AGRN: variants seen among roughly 807,000 people sequenced by gnomAD.
The protein encoded by AGRN is agrin proteoglycan.
AGRN carries 106 observed loss-of-function variants against 211.0 expected under a neutral mutation model. The ratio of observed to expected loss-of-function variants is 0.50; its 90% CI spans 0.43 to 0.59. The LOEUF (loss-of-function observed/expected upper bound fraction) is 0.59. AGRN is among the 20% of genes least tolerant of loss of function. AGRN has a pLI of 0.00. For missense variants in AGRN, 3,040 were observed against 2,982.6 expected (o/e 1.02, Z -0.45); for synonymous variants, 1,525 against 1,332.5 (o/e 1.14, Z -3.15).
At chr1:1,054,704 G>A in intron 35 of AGRN, 120 bp from the exon 36 acceptor site, 1 of 1,490,786 alleles carries the variant, frequency 6.7e-7, no homozygotes, top group East Asian at 2.5e-5. Context: ...GCAGTTCCCA[G>A]TGCTGTGGGG....
rs1645254193 is a variant in AGRN, at chr1:1,050,602, A to G, written c.5141+11A>G. ...GGCAGCGGTCATCAGGTGGGCCGGC[A>G]AGGGTGGCTCTGGGAGGCCTGGGGC... On this transcript the variant is annotated intron_variant, in intron 29 of 35. Transcript: ENST00000379370. 1 of 1,607,052 alleles carries G rather than the reference A, an allele frequency of 6.2e-7. No individual in the cohort carries two copies. Among genetic ancestry groups the G allele is most frequent in the African/African-American group, 1.3e-5 (1 of 74,748 alleles).
At chr1:1,054,735 T>G in intron 35 of AGRN, 89 bp from the exon 36 acceptor site, 3 of 1,513,150 alleles carry the variant, frequency 2.0e-6, no homozygotes, top group Non-Finnish European at 2.7e-6. Context: ...GGTGCCCAGG[T>G]GTGGGCCCCC....
At chr1:1,053,281 G>A (rs1467048404) in intron 33 of AGRN, 13 of 431,084 alleles carry the variant, frequency 3.0e-5, no homozygotes, top group South Asian at 1.3e-4. Context: ...CACGTGTCTC[G>A]TGTCCGCACA....
At chr1:1,052,039 C>G (rs771801084) in intron 33 of AGRN, 38 of 1,506,082 alleles carry the variant, frequency 2.5e-5, no homozygotes, top group South Asian at 2.3e-4. Context: ...CGGCGCCCCC[C>G]GCTCCCTCTC....
intron 3 of AGRN, 29 bp from the exon 4 acceptor site, chr1:1,040,636 C>T: frequency 6.5e-7 from 1 of 1,546,286 alleles, no homozygotes; most frequent in Non-Finnish European, 8.7e-7. Context: ...CGTCTCGGCA[C>T]CCTGAGCTTT....
rs762908637 is a variant in AGRN, at chr1:1,041,945, C to T, written c.1178-11C>T. 17 of 1,611,280 alleles carry T rather than the reference C, an allele frequency of 1.1e-5. No homozygotes were observed. The highest frequency in any genetic ancestry group is 1.3e-5 in the African/African-American group (1 of 74,864). On this transcript the variant is annotated splice_polypyrimidine_tract_variant and intron_variant, in intron 6 of 35. Transcript: ENST00000379370. The stretch of plus-strand genomic sequence containing the variant: ...CAGCCTCTCCGTGACTCCCTCACCC[C>T]TGCGTCCTAGACCAGTGCCCGGAGC...
rs1645006569 is a variant in AGRN at position 1,043,580 on chromosome 1, A to C, written c.1646A>C (p.Glu549Ala). 6.2e-7 allele frequency: 1 copy of C among 1,605,088 alleles called. No homozygotes were observed. The highest frequency in any genetic ancestry group is 1.1e-5 in the South Asian group (1 of 91,070). The change falls in exon 9 of 36, where the codon GAG becomes GCG. Residue 549 changes from glutamate to alanine, a missense_variant. Coordinates refer to ENST00000379370, the MANE Select transcript of AGRN (RefSeq NM_198576.4). The stretch of plus-strand genomic sequence containing the variant: ...CGCTTTGGAGCCCTGTGCGAGGCCG[A>C]GACCGGGCGCTGCGTGTGCCCCTCT... Reference protein sequence around the residue: ...QCRFGALCEAETGRCVCPSEC... With the variant: ...QCRFGALCEAATGRCVCPSEC...
At chr1:1,036,004 C>A (rs964666088) in intron 3 of AGRN, among the ~76,000 whole-genome samples, 1 of 152,076 alleles carries the variant, frequency 6.6e-6, no homozygotes, top group Non-Finnish European at 1.5e-5. Context: ...GGAACACAGA[C>A]GGGGGGACCG....
rs193197250 is a variant in AGRN, at chr1:1,026,393, C to T, written c.463+3931C>T. ...CATTAGCCCCACAGCCTGCAGAAGG[C>T]GGGATGGGGCTGCTCCAGGGAAGGG... On this transcript the variant is annotated intron_variant, in intron 2 of 35. Transcript: ENST00000379370. 1.1e-3 allele frequency among the ~76,000 whole-genome samples: 161 copies of T among 152,254 alleles called. 1 individual carries two copies. The highest frequency in any genetic ancestry group is 3.7e-3 in the African/African-American group (155 of 41,546).
At chr1:1,035,785 G>C (rs918761633) in intron 3 of AGRN, among the ~76,000 whole-genome samples, 1 of 152,104 alleles carries the variant, frequency 6.6e-6, no homozygotes, top group African/African-American at 2.4e-5. Context: ...ACAGCTGTCT[G>C]GGGAGGGGCC....
chr1:1,027,512 C>G (rs1276503101), intron 2 of AGRN, among the ~76,000 whole-genome samples: 1 of 152,232 alleles, frequency 6.6e-6, no homozygotes, highest in Non-Finnish European at 1.5e-5. Context: ...CTCCTGCCCC[C>G]TGCTCACTGC....
Position 1,041,963 on chromosome 1 carries a change from C to T in AGRN, c.1185C>T (p.Cys395=), listed in dbSNP as rs1644954742. Residue 395 remains cysteine (C), a synonymous_variant, in exon 7 of 36, where the codon TGC becomes TGT. Coordinates refer to ENST00000379370, the MANE Select transcript of AGRN (RefSeq NM_198576.4). ...CTCACCCCTGCGTCCTAGACCAGTG[C>T]CCGGAGCCCTGCCGGTTCAATGCCG... ...RSGQCQGRDQ[C]PEPCRFNAVC... is the part of the protein sequence containing the mutation. 1.9e-6 allele frequency: 3 copies of T among 1,611,682 alleles called. No homozygotes were observed. The highest frequency in any genetic ancestry group is 1.7e-5 in the Admixed American group (1 of 59,982).
intron 22 of AGRN, 25 bp downstream of exon 22, chr1:1,047,920 G>T (rs772022055): frequency 3.1e-6 from 5 of 1,603,522 alleles, no homozygotes; most frequent in Non-Finnish European, 4.3e-6. Context: ...ACGAGCCACA[G>T]CTTACCTGCC....
chr1:1,023,727 C>T (rs1557683182), intron 2 of AGRN, among the ~76,000 whole-genome samples: 2 of 152,180 alleles, frequency 1.3e-5, no homozygotes, highest in East Asian at 1.9e-4. Context: ...GGTCAGAGGG[C>T]ACATGGCAGG....
chr1:1,049,943 C>A lies in AGRN; in HGVS notation c.4785C>A (p.Asn1595Lys). The A allele has an allele frequency of 1.2e-6, 2 of 1,612,258 alleles. No homozygotes were observed. The highest frequency in any genetic ancestry group is 1.7e-5 in the Admixed American group (1 of 60,006). Residue 1595 changes from asparagine to lysine, a missense_variant, in exon 27 of 36, where the codon AAC (asparagine) becomes AAA (lysine). Transcript: ENST00000379370. The stretch of plus-strand genomic sequence containing the variant: ...ATGAGAAGAGCCCCTGCCAGCCCAA[C>A]CCCTGCCATGGGGCGGCGCCCTGCC... ...CADEKSPCQP[N>K]PCHGAAPCRV...
chr1:1,050,816 C>A lies in AGRN; in HGVS notation c.5232C>A (p.Pro1744=). Residue 1744 remains proline (P), a synonymous_variant, in exon 30 of 36, where the codon CCC becomes CCA. Transcript: ENST00000379370. ...GTGCCCTGCGTGTGGGCGACGGCCCCCGTGTGTTGGGGGAGTCCCCGGTGA... is the reference window on the plus strand; with the variant it reads ...GTGCCCTGCGTGTGGGCGACGGCCCACGTGTGTTGGGGGAGTCCCCGGTGA... ...RKGALRVGDG[P]RVLGESPVPH... 6.3e-7 allele frequency: 1 copy of A among 1,588,440 alleles called. No individual in the cohort carries two copies.
At chr1:1,047,034 C>T (rs374312139) in intron 19 of AGRN, 77 bp downstream of exon 19, 2 of 1,541,704 alleles carry the variant, frequency 1.3e-6, no homozygotes, top group South Asian at 1.2e-5. Flanking sequence ...GCCTGGGCAG[C>T]AGGTCAGTGC....
intron 2 of AGRN, chr1:1,034,934 G>A (rs1644765067): frequency 7.0e-6 from 3 of 429,014 alleles, no homozygotes; most frequent in African/African-American, 2.0e-5. Flanking sequence ...GGAGGGAGGG[G>A]CAGCCGGCTA....
chr1:1,032,486 G>T lies in AGRN; in HGVS notation c.464-2791G>T, dbSNP rs1644694710. ...GGGAGAGTCCAGATGGAGGCCATGG[G>T]GTTGAGGGGCCCAGACACCCGGCTG... On this transcript the variant is annotated intron_variant, in intron 2 of 35. Transcript: ENST00000379370. This position sits in a 1 kb window ranked among gnomAD's most constrained non-coding sequence, Gnocchi z 4.7. 6.6e-6 allele frequency among the ~76,000 whole-genome samples: 1 copy of T among 152,180 alleles called. No individual in the cohort carries two copies. The highest frequency in any genetic ancestry group is 1.9e-4 in the East Asian group (1 of 5,188).
Sources: allele counts gnomAD v4.1 joint callset (sites outside exome capture counted in the v4.1 genomes callset), GRCh38; gene constraint gnomAD v4.1.1; non-coding constraint Gnocchi (gnomAD v3.1); transcripts MANE v1.5; gene names NCBI Gene and HGNC (gene_info 2026-07-23, HGNC 2026-07-21).